Variants in IFT56 observed in about 807,000 individuals in gnomAD.
IFT56 encodes intraflagellar transport 56.
the IFT56 span, among the ~76,000 whole-genome samples, chr7:139,187,875 T>G: frequency 6.6e-6 from 1 of 152,016 alleles, no homozygotes; most frequent in Non-Finnish European, 1.5e-5. Flanking sequence ...TTTTTTTTTT[T>G]TACTCTTCTA....
chr7:139,137,173 C>T, the IFT56 span, among the ~76,000 whole-genome samples: 1 of 152,116 alleles, frequency 6.6e-6, no homozygotes, highest in Non-Finnish European at 1.5e-5. Context: ...ATTCAGAATT[C>T]TCTGTCAAGG....
the IFT56 span, chr7:139,191,793 G>T: frequency 2.0e-5 from 3 of 152,190 alleles, no homozygotes; most frequent in African/African-American, 7.2e-5. Flanking sequence ...ATGTGATGAT[G>T]GAGGAGAGAG....
chr7:139,186,750 C>G, the IFT56 span, among the ~76,000 whole-genome samples: 1 of 152,100 alleles, frequency 6.6e-6, no homozygotes, highest in East Asian at 1.9e-4. Context: ...GTTCAAATCA[C>G]AATCCTCAGT....
the IFT56 span, among the ~76,000 whole-genome samples, chr7:139,157,139 CTTTTTTT>C: frequency 1.1e-4 from 9 of 82,090 alleles, no homozygotes; most frequent in Admixed American, 2.9e-4. Flanking sequence ...TCTTTAATTT[CTTTTTTT>C]TTTTTTTTTT....
chr7:139,144,187 G>C, the IFT56 span, among the ~76,000 whole-genome samples: 2,007 of 152,084 alleles, frequency 0.013, 42 homozygotes, highest in African/African-American at 0.046. Flanking sequence ...TAGTGGTGAT[G>C]AATTCTCTCA....
At chr7:139,146,847 G>C in the IFT56 span, 1 of 428,510 alleles carries the variant, frequency 2.3e-6, no homozygotes, top group East Asian at 5.9e-5. Flanking sequence ...GACAGAAAAA[G>C]AAAAGGAAAG....
chr7:139,179,198 A>T, the IFT56 span, among the ~76,000 whole-genome samples: 1 of 152,256 alleles, frequency 6.6e-6, no homozygotes, highest in South Asian at 2.1e-4. Flanking sequence ...CCTAGGCAAT[A>T]TAGTGAGACA....
chr7:139,144,368 C>T, the IFT56 span, among the ~76,000 whole-genome samples: 2 of 151,964 alleles, frequency 1.3e-5, no homozygotes, highest in African/African-American at 4.8e-5. Flanking sequence ...AATTGTTGCT[C>T]CTATGAAGAT....
the IFT56 span, chr7:139,147,027 AAG>A: frequency 2.6e-6 from 4 of 1,545,096 alleles, no homozygotes; most frequent in Non-Finnish European, 8.7e-7. Flanking sequence ...AAATAGGAAG[AAG>A]AGAGAGACAC....
chr7:139,177,611 A>AGTGTGT, the IFT56 span, among the ~76,000 whole-genome samples: 4,335 of 148,518 alleles, frequency 0.029, 176 homozygotes, highest in African/African-American at 0.098. Context: ...ATATATATAT[A>AGTGTGT]GTGTGTGTGT....
the IFT56 span, among the ~76,000 whole-genome samples, chr7:139,187,949 T>A: frequency 1.3e-5 from 2 of 152,084 alleles, no homozygotes; most frequent in Admixed American, 1.3e-4. Flanking sequence ...TGTGCTTTAG[T>A]TTAGGTCTCA....
At chr7:139,169,104 G>A in the IFT56 span, among the ~76,000 whole-genome samples, 2 of 152,104 alleles carry the variant, frequency 1.3e-5, no homozygotes, top group Middle Eastern at 3.2e-3. Flanking sequence ...TCCTCTGCCT[G>A]TCCCTGCACA....
the IFT56 span, among the ~76,000 whole-genome samples, chr7:139,148,617 ATTTAAAACCAAATGCTTATG>A: frequency 6.6e-6 from 1 of 152,206 alleles, no homozygotes; most frequent in Non-Finnish European, 1.5e-5. Context: ...GATGCCCTAC[ATTTAAAACCAAATGCTTATG>A]TTTAAAACCA....
At chr7:139,147,036 A>G in the IFT56 span, 1 of 1,552,608 alleles carries the variant, frequency 6.4e-7, no homozygotes, top group Non-Finnish European at 8.7e-7. Flanking sequence ...GAAGAGAGAG[A>G]CACAATGGCT....
At chr7:139,164,179 G>T in the IFT56 span, among the ~76,000 whole-genome samples, 1 of 152,180 alleles carries the variant, frequency 6.6e-6, no homozygotes, top group African/African-American at 2.4e-5. Flanking sequence ...GCTTGTTACA[G>T]TAGTGGGCAT....
chr7:139,135,221 G>A, the IFT56 span, among the ~76,000 whole-genome samples: 15 of 142,564 alleles, frequency 1.1e-4, no homozygotes, highest in African/African-American at 4.1e-4. Flanking sequence ...GGAGGTTGCA[G>A]TGAGCCAAGA....
chr7:139,135,757 C>T, the IFT56 span, among the ~76,000 whole-genome samples: 3 of 152,150 alleles, frequency 2.0e-5, no homozygotes, highest in Middle Eastern at 3.4e-3. Context: ...AGGGTTGCAC[C>T]AAAGAATGAA....
chr7:139,164,901 A>G, the IFT56 span, among the ~76,000 whole-genome samples: 2 of 152,208 alleles, frequency 1.3e-5, no homozygotes, highest in African/African-American at 4.8e-5. Flanking sequence ...GCTGTTAAGA[A>G]GGATCAAAAG....
At chr7:139,134,643 T>C in the IFT56 span, 2 of 1,599,520 alleles carry the variant, frequency 1.3e-6, no homozygotes, top group Non-Finnish European at 1.7e-6. Flanking sequence ...GCTGTCTTTG[T>C]TTCTTTTACA....
Sources: gnomAD v4.1 joint callset for allele counts (sites outside exome capture counted in the v4.1 genomes callset) on GRCh38, gnomAD v4.1.1 for gene constraint, MANE v1.5 for transcripts, NCBI Gene and HGNC (gene_info 2026-07-23, HGNC 2026-07-21) for gene names.